Variants in TDRD5 observed in about 807,000 individuals in gnomAD.
TDRD5 encodes the protein tudor domain containing 5.
A neutral mutation model predicts 120.6 loss-of-function variants in TDRD5; 41 were observed. The observed-to-expected ratio is 0.34, with a 90% confidence interval of 0.26 to 0.44. The LOEUF is 0.44. Ranked by LOEUF, TDRD5 falls within the 20% of genes least tolerant of loss-of-function variation. The pLI, the probability that TDRD5 is intolerant of heterozygous loss-of-function variation, is 1.00. For missense variants in TDRD5, 1,006 were observed against 1,221.2 expected, an observed-to-expected ratio of 0.82 and a Z score of 2.63; for synonymous variants, 430 against 433.7, an observed-to-expected ratio of 0.99 and a Z score of 0.11.
chr1:179,597,389 T>C (rs1288094183), intron 4 of TDRD5, among the ~76,000 whole-genome samples: 1 of 146,976 alleles, frequency 6.8e-6, no homozygotes, highest in African/African-American at 2.5e-5. Flanking sequence ...TGGAGTGCAA[T>C]GGTGCGATCT....
chr1:179,675,277 T>TA (rs757313370), intron 17 of TDRD5, among the ~76,000 whole-genome samples: 46,080 of 124,944 alleles, frequency 0.37, 8,283 homozygotes, highest in Admixed American at 0.45. Flanking sequence ...ATTATTATTT[T>TA]TTTTTTTTTT....
At chr1:179,625,689 T>C (rs934070818) in intron 6 of TDRD5, among the ~76,000 whole-genome samples, 5 of 152,216 alleles carry the variant, frequency 3.3e-5, no homozygotes, top group Non-Finnish European at 5.9e-5. Flanking sequence ...CAAAGACTTA[T>C]ATGATAGTAT....
At chr1:179,592,506 C>T in intron 1 of TDRD5, 96 bp from the exon 2 acceptor site, 1 of 963,386 alleles carries the variant, frequency 1.0e-6, no homozygotes, top group Non-Finnish European at 1.6e-6. Flanking sequence ...ACCCTTAAAA[C>T]TGGAGTCTCA....
Position 179,618,623 on chromosome 1 carries a change from A to G in TDRD5, c.856A>G (p.Ile286Val). Residue 286 changes from isoleucine to valine, a missense_variant, in exon 5 of 18, where the codon ATT becomes GTT. This residue lies in a region of TDRD5 where 445 missense variants were observed against 515.5 expected (regional missense o/e 0.86). Coordinates refer to ENST00000444136, the MANE Select transcript of TDRD5 (RefSeq NM_001199085.3). Reference protein sequence around the residue: ...NQLENTFKSVIAQIGPGGTIS... With the variant: ...NQLENTFKSVVAQIGPGGTIS... ...GCTGGAGAACACATTCAAATCAGTT[A>G]TTGCACAGATTGGACCTGGAGGAAC... 1 of 1,596,400 alleles carries G rather than the reference A, an allele frequency of 6.3e-7. No individual in the cohort carries two copies. Among genetic ancestry groups the G allele is most frequent in the Non-Finnish European group, 8.5e-7 (1 of 1,173,146 alleles).
rs1677971414 is a variant in TDRD5, at chr1:179,640,255, T to G, written c.1734-124T>G. 9 of 1,193,290 alleles carry G rather than the reference T, an allele frequency of 7.5e-6. No homozygotes were observed. In the South Asian group the frequency reaches 1.2e-4, roughly 16 times the overall value. The allele number at this position is 1,193,290 out of a possible 1,614,324, so 73.9% of individuals were successfully genotyped here. A position where few individuals can be genotyped will look rare whatever the true frequency, so the allele number is the denominator to read the frequency against. ...TGTTATCTTTTACATGACACTGAAT[T>G]TTGAATGGACGATGAGATTACGTTT... On this transcript the variant is annotated intron_variant, in intron 10 of 17. Coordinates refer to ENST00000444136, the MANE Select transcript of TDRD5 (RefSeq NM_001199085.3).
chr1:179,647,149 C>T (rs1346237051), intron 11 of TDRD5, among the ~76,000 whole-genome samples: 3 of 148,322 alleles, frequency 2.0e-5, no homozygotes, highest in East Asian at 2.0e-4. Flanking sequence ...CCAAGTCAAT[C>T]CTGAGCCAAA....
intron 11 of TDRD5, among the ~76,000 whole-genome samples, chr1:179,650,226 C>A (rs1241818757): frequency 1.3e-5 from 2 of 151,916 alleles, no homozygotes; most frequent in African/African-American, 4.8e-5. Context: ...CATGGTGAAA[C>A]CCCGTCTCTA....
At chr1:179,639,051 G>A (rs1020136144) in intron 9 of TDRD5, among the ~76,000 whole-genome samples, 6 of 152,236 alleles carry the variant, frequency 3.9e-5, no homozygotes, top group Admixed American at 6.5e-5. Context: ...CAGAAAGGAT[G>A]CAGGGTCTTC....
intron 4 of TDRD5, among the ~76,000 whole-genome samples, chr1:179,596,745 T>C (rs1367287181): frequency 6.6e-6 from 1 of 152,254 alleles, no homozygotes; most frequent in African/African-American, 2.4e-5. Context: ...ATTTCCTCTT[T>C]GGTCCTTTAC....
chr1:179,593,310 A>C, intron 2 of TDRD5, 150 bp from the exon 3 acceptor site: 1 of 883,180 alleles, frequency 1.1e-6, no homozygotes, highest in Non-Finnish European at 1.7e-6. Flanking sequence ...CCCAAAATGC[A>C]AGAAATCGAG....
chr1:179,624,414 A>G (rs984506427), intron 6 of TDRD5, among the ~76,000 whole-genome samples: 2 of 152,308 alleles, frequency 1.3e-5, no homozygotes, highest in East Asian at 3.9e-4. Context: ...TCAACATTGT[A>G]TTGCAAGTTC....
At chr1:179,631,236 A>C (rs1261431790) in intron 7 of TDRD5, among the ~76,000 whole-genome samples, 1 of 152,022 alleles carries the variant, frequency 6.6e-6, no homozygotes, top group Non-Finnish European at 1.5e-5. Flanking sequence ...CTAAAAATAC[A>C]AAAAAACTAG....
rs770823529 is a variant in TDRD5, at chr1:179,595,625, A to C, written c.641-3A>C. On this transcript the variant is annotated splice_region_variant and splice_polypyrimidine_tract_variant and intron_variant, in intron 3 of 17. Transcript: ENST00000444136. ...TTCTTTCTTCTTCTATTACTCACAA[A>C]AGGTAAAATTTTTACCCAGCCATTT... 23 of 1,548,850 alleles carry C rather than the reference A, an allele frequency of 1.5e-5. No individual in the cohort carries two copies. The South Asian group carries it at 2.9e-4, about 19-fold the overall frequency.
chr1:179,654,231 C>A lies in TDRD5; in HGVS notation c.2191C>A (p.His731Asn). Reference protein sequence around the residue: ...QDINDEKSLSHLKSESKEPLK... With the variant: ...QDINDEKSLSNLKSESKEPLK... Reference sequence around the variant, plus strand: ...TATTAATGATGAAAAGTCTTTAAGTCATCTTAAATCTGAGTCAAAGGAGCC... The same window carrying A: ...TATTAATGATGAAAAGTCTTTAAGTAATCTTAAATCTGAGTCAAAGGAGCC... Residue 731 changes from histidine to asparagine, a missense_variant, in exon 14 of 18, where the codon CAT becomes AAT. Physicochemically the swap from His to Asn is moderately conservative, Grantham distance 68. Around this residue, in one of 3 missense-constraint regions of TDRD5, gnomAD observed 403 missense variants for 448.1 expected, o/e 0.90. Coordinates refer to ENST00000444136, the MANE Select transcript of TDRD5 (RefSeq NM_001199085.3). The A allele has an allele frequency of 6.5e-7, 1 of 1,545,378 alleles. No individual in the cohort carries two copies. The highest frequency in any genetic ancestry group is 1.2e-5 in the South Asian group (1 of 82,878).
chr1:179,660,728 C>T (rs1313024837), intron 14 of TDRD5, among the ~76,000 whole-genome samples: 7 of 152,078 alleles, frequency 4.6e-5, no homozygotes, highest in African/African-American at 1.7e-4. Context: ...CAAGAATATT[C>T]TTTAAAAGTT....
intron 4 of TDRD5, among the ~76,000 whole-genome samples, chr1:179,611,820 C>T (rs1353448654): frequency 1.3e-5 from 2 of 152,260 alleles, no homozygotes; most frequent in Middle Eastern, 3.4e-3. Flanking sequence ...CTAATAATTC[C>T]TCATAGATGC....
At chr1:179,679,244 T>A (rs10798709) in intron 17 of TDRD5, among the ~76,000 whole-genome samples, 51,714 of 152,066 alleles carry the variant, frequency 0.34, 8,995 homozygotes, top group Admixed American at 0.42. Flanking sequence ...ATCCATTTTA[T>A]AGAATGTTAG....
chr1:179,665,337 A>T (rs1679506640), intron 16 of TDRD5, among the ~76,000 whole-genome samples: 1 of 152,092 alleles, frequency 6.6e-6, no homozygotes, highest in South Asian at 2.1e-4. Flanking sequence ...AGTTACAAAG[A>T]TTTACACTTG....
Position 179,671,919 on chromosome 1 carries a change from G to A in TDRD5, c.2860+2515G>A, listed in dbSNP as rs150785607. Among the ~76,000 whole-genome samples the A allele has an allele frequency of 6.2e-3, 925 of 149,204 alleles. 12 individuals are homozygous for A. Among genetic ancestry groups the A allele is most frequent in the African/African-American group, 0.022 (888 of 40,478 alleles). ...AGGTTGCTGCATATGCCATTATTTC[G>A]TTCCTTTTTATGGCTGAGAAATATT... is the stretch of plus-strand genomic sequence containing the variant. On this transcript the variant is annotated intron_variant, in intron 17 of 17. Transcript: ENST00000444136.
Sources: gnomAD v4.1 joint callset for allele counts (sites outside exome capture counted in the v4.1 genomes callset) on GRCh38, gnomAD v4.1.1 for gene constraint, gnomAD v4.1.1 regional missense constraint, MANE v1.5 for transcripts, NCBI Gene and HGNC (gene_info 2026-07-23, HGNC 2026-07-21) for gene names.